PDGFD: variants seen among roughly 807,000 people sequenced by gnomAD.
The protein encoded by PDGFD is platelet-derived growth factor D.
A neutral mutation model predicts 44.7 loss-of-function variants in PDGFD; 30 were observed. That is an observed-to-expected ratio of 0.67 (90% CI 0.50 to 0.91). PDGFD has a LOEUF of 0.91. Among genes scored for constraint, PDGFD ranks in the 40% least tolerant of loss-of-function variants. The probability of loss-of-function intolerance (pLI) is 0.00; values close to 1 mark genes in which losing one functional copy is unlikely to be tolerated. For missense variants in PDGFD, 445 were observed against 457.8 expected (o/e 0.97, Z 0.25); for synonymous variants, 173 against 168.4 (o/e 1.03, Z -0.21).
chr11:103,944,812 T>C (rs770998496), intron 4 of PDGFD, among the ~76,000 whole-genome samples: 3 of 152,138 alleles, frequency 2.0e-5, no homozygotes, highest in Non-Finnish European at 2.9e-5. Flanking sequence ...TTCACACAAG[T>C]AAGAGGCTTT....
chr11:103,954,928 G>A (rs917186328), intron 3 of PDGFD, among the ~76,000 whole-genome samples: 5 of 151,896 alleles, frequency 3.3e-5, no homozygotes, highest in African/African-American at 7.3e-5. Flanking sequence ...ACTTTGGGAG[G>A]CCGAGGCGGG....
intron 1 of PDGFD, among the ~76,000 whole-genome samples, chr11:104,059,954 G>A (rs557110784): frequency 8.2e-4 from 125 of 152,322 alleles, no homozygotes; most frequent in African/African-American, 2.6e-3. Context: ...CACTGTATGG[G>A]AGATTTAGCT....
At chr11:104,045,415 C>T (rs1182770558) in intron 1 of PDGFD, among the ~76,000 whole-genome samples, 1 of 151,998 alleles carries the variant, frequency 6.6e-6, no homozygotes, top group Non-Finnish European at 1.5e-5. Context: ...ATTCATACTA[C>T]AGCTGAAATT....
At chr11:104,014,202 C>G (rs1413606014) in intron 1 of PDGFD, among the ~76,000 whole-genome samples, 6 of 152,162 alleles carry the variant, frequency 3.9e-5, no homozygotes, top group African/African-American at 9.7e-5. Flanking sequence ...TCCTTCATGC[C>G]TATTCCACAA....
At chr11:104,088,697 C>T (rs947654356) in intron 1 of PDGFD, among the ~76,000 whole-genome samples, 4 of 152,082 alleles carry the variant, frequency 2.6e-5, no homozygotes, top group Non-Finnish European at 4.4e-5. Context: ...TCACAAGGAA[C>T]AGTGAAGAAG....
At chr11:104,130,089 G>T (rs1243351691) in intron 1 of PDGFD, among the ~76,000 whole-genome samples, 1 of 151,672 alleles carries the variant, frequency 6.6e-6, no homozygotes, top group African/African-American at 2.4e-5. Flanking sequence ...ATGAAAGATA[G>T]AGAATAAGAA....
rs143384860 is a variant in PDGFD, at chr11:103,973,426, C to A, written c.510+22639G>T. On this transcript the variant is annotated intron_variant, in intron 3 of 6. Transcript: ENST00000393158. ...CCTCCCAAAGTGCTGGGAATACAGG[C>A]GTGAGAAAAGTGGTCACTTTTAATT... Among the ~76,000 whole-genome samples, 1,233 of 151,768 alleles carry A rather than the reference C, an allele frequency of 8.1e-3. 11 individuals carry two copies. The highest frequency in any genetic ancestry group is 0.024 in the Middle Eastern group (7 of 292).
intron 1 of PDGFD, among the ~76,000 whole-genome samples, chr11:104,014,165 CTA>C (rs1341366296): frequency 6.6e-6 from 1 of 152,130 alleles, no homozygotes; most frequent in Non-Finnish European, 1.5e-5. Context: ...GAATAATATT[CTA>C]TGTCTGTTTC....
intron 1 of PDGFD, among the ~76,000 whole-genome samples, chr11:104,070,940 G>C (rs1318927365): frequency 2.0e-5 from 3 of 152,074 alleles, no homozygotes; most frequent in Admixed American, 6.6e-5. Flanking sequence ...AAAGGTAAAT[G>C]CCTATGTATA....
At chr11:103,941,620 C>A (rs772381637) in intron 5 of PDGFD, among the ~76,000 whole-genome samples, 1 of 151,584 alleles carries the variant, frequency 6.6e-6, no homozygotes, top group East Asian at 2.0e-4. Context: ...GATCAGGGTG[C>A]CTGCTAAAAA....
chr11:103,963,112 A>G (rs1244249964), intron 3 of PDGFD, among the ~76,000 whole-genome samples: 1 of 152,178 alleles, frequency 6.6e-6, no homozygotes, highest in Non-Finnish European at 1.5e-5. Flanking sequence ...ACTTCGTGCT[A>G]CCTGTAAAGC....
At chr11:104,144,141 A>T (rs1213164233) in intron 1 of PDGFD, among the ~76,000 whole-genome samples, 1 of 152,222 alleles carries the variant, frequency 6.6e-6, no homozygotes, top group Non-Finnish European at 1.5e-5. Context: ...GGAGGTTAAG[A>T]CTATAAATAA....
intron 1 of PDGFD, among the ~76,000 whole-genome samples, chr11:104,105,997 A>G (rs1221481074): frequency 6.6e-6 from 1 of 152,176 alleles, no homozygotes; most frequent in East Asian, 1.9e-4. Context: ...CCAAATAAGC[A>G]TAGTGTTTAC....
At chr11:104,010,506 T>C (rs1277970809) in intron 1 of PDGFD, among the ~76,000 whole-genome samples, 4 of 152,262 alleles carry the variant, frequency 2.6e-5, no homozygotes, top group Non-Finnish European at 5.9e-5. Context: ...TTATTGTACA[T>C]TAGTGAGCGA....
chr11:103,985,571 T>C (rs1859350213), intron 3 of PDGFD, among the ~76,000 whole-genome samples: 1 of 151,648 alleles, frequency 6.6e-6, no homozygotes, highest in Admixed American at 6.6e-5. Flanking sequence ...CTTAAGGAAA[T>C]ATACATGAGA....
chr11:104,127,330 TAGG>T (rs1861855673), intron 1 of PDGFD, among the ~76,000 whole-genome samples: 1 of 151,998 alleles, frequency 6.6e-6, no homozygotes, highest in Middle Eastern at 3.2e-3. Context: ...TTATAATTAG[TAGG>T]AGGTGTGATC....
intron 6 of PDGFD, among the ~76,000 whole-genome samples, chr11:103,924,782 A>G (rs1858278682): frequency 6.6e-6 from 1 of 152,152 alleles, no homozygotes; most frequent in African/African-American, 2.4e-5. Flanking sequence ...GTTTAGAGAG[A>G]ACTACCTATT....
intron 1 of PDGFD, among the ~76,000 whole-genome samples, chr11:104,005,538 T>C (rs1405071627): frequency 2.0e-5 from 3 of 152,256 alleles, no homozygotes; most frequent in South Asian, 4.1e-4. Flanking sequence ...CAAAGTATTA[T>C]ACACAAAGTC....
chr11:104,036,558 C>T (rs1201252268), intron 1 of PDGFD: 2 of 523,494 alleles, frequency 3.8e-6, no homozygotes, highest in Non-Finnish European at 6.9e-6. Flanking sequence ...AGTAGGCATT[C>T]TAGGTTCCAA....
Sources: allele counts gnomAD v4.1 joint callset (sites outside exome capture counted in the v4.1 genomes callset), GRCh38; gene constraint gnomAD v4.1.1; transcripts MANE v1.5; gene names NCBI Gene and HGNC (gene_info 2026-07-23, HGNC 2026-07-21).